GAPVD1: variants seen among roughly 807,000 people sequenced by gnomAD.
The protein encoded by GAPVD1 is GTPase-activating protein and VPS9 domain-containing protein 1.
In GAPVD1, 35 loss-of-function variants were observed where a neutral mutation model predicts 155.5. The ratio of observed to expected loss-of-function variants is 0.23; its 90% CI spans 0.17 to 0.30. GAPVD1 has a LOEUF of 0.30. GAPVD1 is among the 10% of genes least tolerant of loss of function. The pLI, the probability that GAPVD1 is intolerant of heterozygous loss-of-function variation, is 1.00. For synonymous variants in GAPVD1, 636 were observed against 619.7 expected, an observed-to-expected ratio of 1.03 and a Z score of -0.39; for missense variants, 1,429 against 1,775.7, an observed-to-expected ratio of 0.80 and a Z score of 3.51.
intron 12 of GAPVD1, among the ~76,000 whole-genome samples, 157 bp downstream of exon 12, chr9:125,326,746 T>A (rs1319626764): frequency 1.3e-5 from 2 of 152,088 alleles, no homozygotes; most frequent in Non-Finnish European, 2.9e-5. Flanking sequence ...TTTGGGTACT[T>A]TTTTCTTTAC....
intron 17 of GAPVD1, among the ~76,000 whole-genome samples, chr9:125,339,588 C>T (rs576921889): frequency 6.6e-6 from 1 of 152,300 alleles, no homozygotes; most frequent in African/African-American, 2.4e-5. Context: ...GCTCCCAGGA[C>T]TACTCAGTGA....
In GAPVD1 at chr9:125,280,818, G is replaced by T. The variant is rs556234274; in HGVS notation, c.-150+11834G>T. 7.2e-5 allele frequency among the ~76,000 whole-genome samples: 11 copies of T among 151,832 alleles called. No individual in the cohort carries two copies. In the East Asian group the frequency reaches 1.9e-3, roughly 27 times the overall value. ...TGTCAATCTCCTGACCTTGTGATCC[G>T]CCTGTCTCGGCCTTCCAAAGTGCTG... On this transcript the variant is annotated intron_variant, in intron 2 of 27. Coordinates refer to ENST00000297933, the MANE Select transcript of GAPVD1 (RefSeq NM_001282680.3).
intron 14 of GAPVD1, 95 bp downstream of exon 14, chr9:125,332,155 T>A: frequency 1.7e-6 from 2 of 1,202,534 alleles, no homozygotes; most frequent in Non-Finnish European, 2.3e-6. Flanking sequence ...TATGTTATAT[T>A]TAAGAGCTGA....
intron 2 of GAPVD1, among the ~76,000 whole-genome samples, chr9:125,285,534 A>G (rs1438306601): frequency 2.1e-5 from 3 of 143,442 alleles, no homozygotes; most frequent in Non-Finnish European, 4.5e-5. Context: ...CTCGGGTTCA[A>G]GTGATTCTCC....
In GAPVD1 at chr9:125,299,114, G is replaced by C. The variant is rs200382326; in HGVS notation, c.185+8G>C. The C allele has an allele frequency of 9.9e-6, 15 of 1,520,348 alleles. No individual in the cohort carries two copies. The East Asian group carries it at 2.5e-4, about 26-fold the overall frequency. The allele number at this position is 1,520,348 out of a possible 1,614,324, so 94.2% of individuals were successfully genotyped here. Reference sequence around the variant, plus strand: ...TCGGCTTATCATAACCAGGTAAAGAGATGATTTTCAGGTTTTAAGTTTTGT... The same window carrying C: ...TCGGCTTATCATAACCAGGTAAAGACATGATTTTCAGGTTTTAAGTTTTGT... On this transcript the variant is annotated splice_region_variant and intron_variant, in intron 4 of 27. Transcript: ENST00000297933.
intron 23 of GAPVD1, among the ~76,000 whole-genome samples, chr9:125,352,801 T>C (rs1849496089): frequency 2.6e-5 from 4 of 152,208 alleles, no homozygotes; most frequent in African/African-American, 9.6e-5. Flanking sequence ...GTTTATGCTC[T>C]GTTTCCCTTA....
At position 125,349,849 on chromosome 9, in the gene GAPVD1, G is replaced by GA. The variant is rs572661795; in HGVS notation, c.3299+343dup. 6.0e-3 allele frequency among the ~76,000 whole-genome samples: 829 copies of GA among 139,114 alleles called. 11 individuals carry two copies. The highest frequency in any genetic ancestry group is 0.018 in the African/African-American group (705 of 38,196). 91.3% of individuals were successfully genotyped at this position (139,114 alleles called of 152,430 possible). A position where few individuals can be genotyped will look rare whatever the true frequency, so the allele number is the denominator to read the frequency against. ...TCCCATCTCTATAAAAAAGAAAAAG[G>GA]AAAAAAAAAAAAAGAAGAAAGGGTT... On this transcript the variant is annotated intron_variant, in intron 21 of 27. Transcript: ENST00000297933.
At chr9:125,308,435 TA>T (rs1192526600) in intron 8 of GAPVD1, 1 of 152,078 alleles carries the variant, frequency 6.6e-6, no homozygotes, top group African/African-American at 2.4e-5. Context: ...TTTCCATCAA[TA>T]AAGTGGAAAA....
In GAPVD1 at chr9:125,315,561, G is replaced by A. The variant is rs75297834; in HGVS notation, c.1602+2949G>A. On this transcript the variant is annotated intron_variant, in intron 9 of 27. Transcript: ENST00000297933. Reference sequence around the variant, plus strand: ...TCTGTCTGGTAGGTCCTGAAAGATCGTCTCAAAGGCTTGGCTTTGTTTTGC... The same window carrying A: ...TCTGTCTGGTAGGTCCTGAAAGATCATCTCAAAGGCTTGGCTTTGTTTTGC... 2.8e-3 allele frequency among the ~76,000 whole-genome samples: 432 copies of A among 152,242 alleles called. 11 individuals are homozygous for A. The East Asian group carries it at 0.03, about 11-fold the overall frequency.
At chr9:125,325,113 T>C (rs1844922151) in intron 11 of GAPVD1, among the ~76,000 whole-genome samples, 1 of 151,850 alleles carries the variant, frequency 6.6e-6, no homozygotes. Flanking sequence ...TAATCCCAGC[T>C]ACTCAGAAGG....
intron 3 of GAPVD1, among the ~76,000 whole-genome samples, chr9:125,297,205 C>T (rs1840027545): frequency 6.6e-6 from 1 of 152,128 alleles, no homozygotes; most frequent in East Asian, 1.9e-4. Flanking sequence ...AATATTTATT[C>T]AACTCCTGCT....
chr9:125,360,433 A>C, intron 26 of GAPVD1, 95 bp from the exon 27 acceptor site: 1 of 934,748 alleles, frequency 1.1e-6, no homozygotes, highest in Non-Finnish European at 1.7e-6. Flanking sequence ...AAGCAACCAC[A>C]TTATCCTCTG....
chr9:125,337,436 T>C lies in GAPVD1; in HGVS notation c.2722T>C (p.Ser908Pro). The C allele has an allele frequency of 6.2e-7, 1 of 1,614,196 alleles. No homozygotes were observed. Among genetic ancestry groups the C allele is most frequent in the Non-Finnish European group, 8.5e-7 (1 of 1,180,018 alleles). The change falls in exon 17 of 28, where the codon TCT becomes CCT. Residue 908 changes from serine to proline, a missense_variant. Ser to Pro is a moderately conservative substitution (Grantham distance 74). This residue lies in a region of GAPVD1 where 699 missense variants were observed against 826.0 expected (regional missense o/e 0.85). Transcript: ENST00000297933. The stretch of plus-strand genomic sequence containing the variant: ...AAGCAGGAGCTCTGATATAGTATCT[T>C]CTGTCCGGAGACCCATGAGTGACCC... ...VRSRSSDIVS[S>P]VRRPMSDPSW...
chr9:125,301,357 CTG>C (rs1465033893), intron 4 of GAPVD1, among the ~76,000 whole-genome samples: 3 of 152,136 alleles, frequency 2.0e-5, no homozygotes, highest in Non-Finnish European at 4.4e-5. Context: ...GTGTGAGCCA[CTG>C]TGTCCTTCCT....
chr9:125,366,239 G>A lies in GAPVD1; in HGVS notation c.*3493G>A, dbSNP rs181123897. The A allele has an allele frequency of 2.6e-5, 4 of 152,298 alleles. No homozygotes were observed. The highest frequency in any genetic ancestry group is 2.0e-4 in the Admixed American group (3 of 15,290). The allele number at this position is 152,298 out of a possible 1,614,324, so 9.4% of individuals were successfully genotyped here. ...AAGAGAACAATCTCAGCCCCAATAC[G>A]GGGGCTGTGTTCTTGCCGTAAGAAT... On this transcript the variant is annotated 3_prime_UTR_variant, in exon 28 of 28. Coordinates refer to ENST00000297933, the MANE Select transcript of GAPVD1 (RefSeq NM_001282680.3).
At chr9:125,342,668 G>C (rs1847982859) in intron 19 of GAPVD1, among the ~76,000 whole-genome samples, 1 of 152,178 alleles carries the variant, frequency 6.6e-6, no homozygotes, top group South Asian at 2.1e-4. Flanking sequence ...ATCATTGATT[G>C]AATAGTTTTC....
At chr9:125,359,752 A>G in intron 26 of GAPVD1, 1 of 410,570 alleles carries the variant, frequency 2.4e-6, no homozygotes, top group Non-Finnish European at 4.4e-6. Context: ...TCTCAGGGGC[A>G]GTACCTCTCC....
intron 2 of GAPVD1, among the ~76,000 whole-genome samples, chr9:125,277,774 G>T (rs180950619): frequency 2.6e-5 from 4 of 151,086 alleles, no homozygotes; most frequent in African/African-American, 9.7e-5. Flanking sequence ...GGCTCAAGCA[G>T]TCCTCCTACC....
intron 1 of GAPVD1, among the ~76,000 whole-genome samples, chr9:125,265,575 C>T (rs1349382482): frequency 6.7e-6 from 1 of 149,786 alleles, no homozygotes; most frequent in Non-Finnish European, 1.5e-5. Flanking sequence ...CGATGGCTGG[C>T]TAATTTTTGT....
Sources: allele counts gnomAD v4.1 joint callset (sites outside exome capture counted in the v4.1 genomes callset), GRCh38; gene constraint gnomAD v4.1.1; regional missense constraint gnomAD v4.1.1; transcripts MANE v1.5; gene names NCBI Gene and HGNC (gene_info 2026-07-23, HGNC 2026-07-21).